Variants in LY6G6F observed in about 807,000 individuals in gnomAD.
The protein encoded by LY6G6F is lymphocyte antigen 6 family member G6F.
LY6G6F carries 26 observed loss-of-function variants against 33.0 expected under a neutral mutation model. That is an observed-to-expected ratio of 0.79 (90% CI 0.58 to 1.09). The LOEUF is 1.09. Among genes scored for constraint, LY6G6F ranks in the 50% least tolerant of loss-of-function variants. The pLI is 0.00. For synonymous variants in LY6G6F, 132 were observed against 148.1 expected, an observed-to-expected ratio of 0.89 and a Z score of 0.79; for missense variants, 317 against 372.0, an observed-to-expected ratio of 0.85 and a Z score of 1.22.
rs901701521 is a variant in LY6G6F at position 31,708,084 on chromosome 6, T to C, written c.596T>C (p.Ile199Thr). 1 of 1,604,418 alleles carries C rather than the reference T, an allele frequency of 6.2e-7. No individual in the cohort carries two copies. Among genetic ancestry groups the C allele is most frequent in the African/African-American group, 1.3e-5 (1 of 74,696 alleles). Reference protein sequence around the residue: ...LSEPRSRRPRIIRCLMTHNKG... With the variant: ...LSEPRSRRPRTIRCLMTHNKG... ...GAGCCCAGGAGCCGAAGACCAAGAA[T>C]CATCCGCTGCCTCATGACTCACAAC... The change falls in exon 3 of 6, where the codon ATC becomes ACC. Residue 199 changes from isoleucine to threonine, a missense_variant. Coordinates refer to ENST00000375832, the MANE Select transcript of LY6G6F (RefSeq NM_001003693.3).
intron 3 of LY6G6F, among the ~76,000 whole-genome samples, chr6:31,708,939 G>A (rs1805814486): frequency 1.3e-5 from 2 of 149,464 alleles, no homozygotes; most frequent in African/African-American, 5.0e-5. Context: ...AAAAAAAATT[G>A]TATTTTTAGT....
Position 31,707,049 on chromosome 6 carries a change from T to C in LY6G6F, c.52+91T>C. ...CTCCTAGGAGCCTGGCGAAGGCATC[T>C]GACTCAAGAAGATAGAATTACCCCA... On this transcript the variant is annotated intron_variant, in intron 1 of 5. Transcript: ENST00000375832. The surrounding 1 kb of genome is among the most constrained non-coding windows in gnomAD (Gnocchi z 4.1). 2.1e-6 allele frequency: 3 copies of C among 1,411,052 alleles called. No homozygotes were observed. Among genetic ancestry groups the C allele is most frequent in the Admixed American group, 1.7e-5 (1 of 58,990 alleles). The allele number at this position is 1,411,052 out of a possible 1,614,324, so 87.4% of individuals were successfully genotyped here.
In LY6G6F at chr6:31,710,202, G is replaced by A; in HGVS notation, c.802+21G>A. ...CAGAGGTGAGTCCCTCCCTCCCCGG[G>A]GAAAGAAGAGGGCACATGGGTGGGA... On this transcript the variant is annotated intron_variant, in intron 4 of 5. Coordinates refer to ENST00000375832, the MANE Select transcript of LY6G6F (RefSeq NM_001003693.3). The surrounding 1 kb of genome is among the most constrained non-coding windows in gnomAD (Gnocchi z 4.7). 2 of 1,608,052 alleles carry A rather than the reference G, an allele frequency of 1.2e-6. No individual in the cohort carries two copies. Among genetic ancestry groups the A allele is most frequent in the Non-Finnish European group, 1.7e-6 (2 of 1,176,434 alleles).
intron 3 of LY6G6F, among the ~76,000 whole-genome samples, chr6:31,709,353 T>C (rs200798146): frequency 6.6e-6 from 1 of 151,450 alleles, no homozygotes; most frequent in Non-Finnish European, 1.5e-5. Flanking sequence ...TCTGACTCCC[T>C]GGTTCAAGTG....
intron 3 of LY6G6F, among the ~76,000 whole-genome samples, chr6:31,709,456 C>T (rs1052626498): frequency 1.3e-5 from 2 of 152,110 alleles, no homozygotes; most frequent in African/African-American, 4.8e-5. Flanking sequence ...GCCGGGGTTT[C>T]ACCATGTTGG....
Position 31,707,408 on chromosome 6 carries a change from G to C in LY6G6F, c.53-50G>C. 6.6e-7 allele frequency: 1 copy of C among 1,524,848 alleles called. No homozygotes were observed. Among genetic ancestry groups the C allele is most frequent in the Non-Finnish European group, 9.0e-7 (1 of 1,108,530 alleles). The allele number at this position is 1,524,848 out of a possible 1,614,324, so 94.5% of individuals were successfully genotyped here. ...GCCAGGGTTGAAGATCAAATGGGGG[G>C]TTATTGATCTGATGGAGGTCTCTGG... On this transcript the variant is annotated intron_variant, in intron 1 of 5. Transcript: ENST00000375832. The surrounding 1 kb of genome is among the most constrained non-coding windows in gnomAD (Gnocchi z 4.1).
chr6:31,710,424 G>A lies in LY6G6F; in HGVS notation c.869+6G>A, dbSNP rs1169536055. 2 of 1,614,094 alleles carry A rather than the reference G, an allele frequency of 1.2e-6. No homozygotes were observed. The highest frequency in any genetic ancestry group is 3.3e-4 in the Middle Eastern group (2 of 6,084). ...ATCCATTTGGCCCGTCTTGGGTGAG[G>A]AACAGCTAGGGAACAGAGGCTTAAA... On this transcript the variant is annotated splice_donor_region_variant and intron_variant, in intron 5 of 5. Coordinates refer to ENST00000375832, the MANE Select transcript of LY6G6F (RefSeq NM_001003693.3). The surrounding 1 kb of genome is among the most constrained non-coding windows in gnomAD (Gnocchi z 4.7).
Position 31,709,213 on chromosome 6 carries a change from A to AGG in LY6G6F, c.647-812_647-811dup, listed in dbSNP as rs780785592. Among the ~76,000 whole-genome samples the AGG allele has an allele frequency of 1.0e-3, 149 of 149,434 alleles. 1 individual carries two copies. Among genetic ancestry groups the AGG allele is most frequent in the Admixed American group, 3.3e-3 (50 of 15,060 alleles). On this transcript the variant is annotated intron_variant, in intron 3 of 5. Coordinates refer to ENST00000375832, the MANE Select transcript of LY6G6F (RefSeq NM_001003693.3). Reference sequence around the variant, plus strand: ...TCAGCCTCCTGAGTAGCTGGACTACAGGTGCCTGCCACCACGCCTGGCTAA... The same window carrying AGG: ...TCAGCCTCCTGAGTAGCTGGACTACAGGGGTGCCTGCCACCACGCCTGGCTAA...
At chr6:31,709,324 A>G (rs1236963329) in intron 3 of LY6G6F, among the ~76,000 whole-genome samples, 1 of 151,176 alleles carries the variant, frequency 6.6e-6, no homozygotes, top group Non-Finnish European at 1.5e-5. Context: ...CAGTGGCGCA[A>G]TCCCGGCTCA....
chr6:31,710,602 A>T lies in LY6G6F; in HGVS notation c.*11A>T. 6.2e-7 allele frequency: 1 copy of T among 1,614,024 alleles called. No individual in the cohort carries two copies. The highest frequency in any genetic ancestry group is 2.2e-5 in the East Asian group (1 of 44,878). The stretch of plus-strand genomic sequence containing the variant: ...CACAAGCCCAGGTGATTTTGGTGAC[A>T]TCTGCTGGGAAGTGTGACCTGCTGT... On this transcript the variant is annotated 3_prime_UTR_variant, in exon 6 of 6. Coordinates refer to ENST00000375832, the MANE Select transcript of LY6G6F (RefSeq NM_001003693.3). The surrounding 1 kb of genome is among the most constrained non-coding windows in gnomAD (Gnocchi z 4.7).
At position 31,706,890 on chromosome 6, in the gene LY6G6F, C is replaced by T; in HGVS notation, c.-17C>T. ...GACACCAGGTCTTGGAGCAAGAGAACTTGGCAGGCTCTCCCCATGGCAGTC... is the reference window on the plus strand; with the variant it reads ...GACACCAGGTCTTGGAGCAAGAGAATTTGGCAGGCTCTCCCCATGGCAGTC... On this transcript the variant is annotated 5_prime_UTR_variant, in exon 1 of 6. Transcript: ENST00000375832. 6.2e-7 allele frequency: 1 copy of T among 1,614,050 alleles called. No individual in the cohort carries two copies. The highest frequency in any genetic ancestry group is 8.5e-7 in the Non-Finnish European group (1 of 1,179,928).
Position 31,707,637 on chromosome 6 carries a change from G to A in LY6G6F, c.232G>A (p.Gly78Arg). ...GCCAGCCCCAGACCCTGGAAAACCA[G>A]GAAGGGAATCCAGGCTCAGACTGCT... is the stretch of plus-strand genomic sequence containing the variant. ...GRPAPDPGKP[G>R]RESRLRLLGN... is the part of the protein sequence containing the mutation. The change falls in exon 2 of 6, where the codon GGA becomes AGA. Residue 78 changes from glycine to arginine, a missense_variant. By Grantham distance (125) the Gly-to-Arg change is moderately radical (BLOSUM62 -2). Transcript: ENST00000375832. This position sits in a 1 kb window ranked among gnomAD's most constrained non-coding sequence, Gnocchi z 4.1. The A allele has an allele frequency of 1.2e-6, 2 of 1,613,794 alleles. No individual in the cohort carries two copies. The highest frequency in any genetic ancestry group is 2.7e-5 in the African/African-American group (2 of 75,044).
Position 31,707,055 on chromosome 6 carries a change from A to C in LY6G6F, c.52+97A>C, listed in dbSNP as rs1309493403. 8.1e-6 allele frequency: 11 copies of C among 1,362,100 alleles called. No homozygotes were observed. In the Admixed American group the frequency reaches 1.9e-4, roughly 23 times the overall value. 84.4% of individuals were successfully genotyped at this position (1,362,100 alleles called of 1,614,324 possible). On this transcript the variant is annotated intron_variant, in intron 1 of 5. Transcript: ENST00000375832. The surrounding 1 kb of genome is among the most constrained non-coding windows in gnomAD (Gnocchi z 4.1). ...GGAGCCTGGCGAAGGCATCTGACTC[A>C]AGAAGATAGAATTACCCCAACCAAC...
chr6:31,710,507 G>A lies in LY6G6F; in HGVS notation c.870-60G>A, dbSNP rs375851255. 4.0e-5 allele frequency: 64 copies of A among 1,613,678 alleles called. No homozygotes were observed. In the Middle Eastern group the frequency reaches 4.9e-4, roughly 12 times the overall value. On this transcript the variant is annotated intron_variant, in intron 5 of 5. Coordinates refer to ENST00000375832, the MANE Select transcript of LY6G6F (RefSeq NM_001003693.3). The surrounding 1 kb of genome is among the most constrained non-coding windows in gnomAD (Gnocchi z 4.7). ...CGGGTTGGGTTGGGGATGGGCCCTC[G>A]TTCCTGAGGATGTGAAAAGTAGAGG...
At chr6:31,709,342 C>G (rs551842727) in intron 3 of LY6G6F, among the ~76,000 whole-genome samples, 2 of 151,874 alleles carry the variant, frequency 1.3e-5, no homozygotes, top group African/African-American at 4.8e-5. Flanking sequence ...TCACTGCAAC[C>G]TCTGACTCCC....
In LY6G6F at chr6:31,710,432, A is replaced by G. The variant is rs1302332705; in HGVS notation, c.869+14A>G. 23 of 1,614,058 alleles carry G rather than the reference A, an allele frequency of 1.4e-5. No individual in the cohort carries two copies. Among genetic ancestry groups the G allele is most frequent in the Non-Finnish European group, 1.9e-5 (23 of 1,180,016 alleles). On this transcript the variant is annotated intron_variant, in intron 5 of 5. Coordinates refer to ENST00000375832, the MANE Select transcript of LY6G6F (RefSeq NM_001003693.3). This position sits in a 1 kb window ranked among gnomAD's most constrained non-coding sequence, Gnocchi z 4.7. Reference sequence around the variant, plus strand: ...GGCCCGTCTTGGGTGAGGAACAGCTAGGGAACAGAGGCTTAAATCCTGGAG... The same window carrying G: ...GGCCCGTCTTGGGTGAGGAACAGCTGGGGAACAGAGGCTTAAATCCTGGAG...
At chr6:31,708,581 C>T (rs529772629) in intron 3 of LY6G6F, among the ~76,000 whole-genome samples, 1 of 152,264 alleles carries the variant, frequency 6.6e-6, no homozygotes, top group East Asian at 1.9e-4. Flanking sequence ...GTTGCCCATG[C>T]GTGAGCAGGG....
chr6:31,708,158 A>G, intron 3 of LY6G6F, 24 bp downstream of exon 3: 1 of 1,512,964 alleles, frequency 6.6e-7, no homozygotes, highest in East Asian at 2.3e-5. Context: ...GGAGACGGAA[A>G]GGGATGTTCT....
chr6:31,708,683 T>C (rs979614049), intron 3 of LY6G6F, among the ~76,000 whole-genome samples: 15 of 152,090 alleles, frequency 9.9e-5, no homozygotes, highest in African/African-American at 3.4e-4. Flanking sequence ...TCCCAGCACT[T>C]TGGGAGGCCG....
Sources: gnomAD v4.1 joint callset for allele counts (sites outside exome capture counted in the v4.1 genomes callset) on GRCh38, gnomAD v4.1.1 for gene constraint, Gnocchi (gnomAD v3.1) non-coding constraint, MANE v1.5 for transcripts, NCBI Gene and HGNC (gene_info 2026-07-23, HGNC 2026-07-21) for gene names.